SEPTIN7: variants seen among roughly 807,000 people sequenced by gnomAD.
SEPTIN7 encodes the protein septin-7.
Under a neutral mutation model 63.3 loss-of-function variants are expected in SEPTIN7, and 10 were observed. The ratio of observed to expected loss-of-function variants is 0.16; its 90% confidence interval spans 0.10 to 0.27. The LOEUF is 0.27. Ranked by LOEUF, SEPTIN7 falls within the 10% of genes least tolerant of loss-of-function variation. The pLI, the probability that SEPTIN7 is intolerant of heterozygous loss-of-function variation, is 1.00. For missense variants in SEPTIN7, 310 were observed against 521.0 expected, an observed-to-expected ratio of 0.59 and a Z score of 3.94; for synonymous variants, 131 against 165.3, an observed-to-expected ratio of 0.79 and a Z score of 1.59.
chr7:35,849,568 C>T (rs779505555), intron 3 of SEPTIN7, among the ~76,000 whole-genome samples: 34 of 152,298 alleles, frequency 2.2e-4, no homozygotes, highest in East Asian at 5.8e-4. Flanking sequence ...CTAGATTGTT[C>T]TTCACAGATT....
chr7:35,865,753 T>A (rs1785777413), intron 4 of SEPTIN7, among the ~76,000 whole-genome samples: 1 of 152,200 alleles, frequency 6.6e-6, no homozygotes, highest in South Asian at 2.1e-4. Flanking sequence ...TATTCCTGAT[T>A]TATAGGAGTT....
intron 1 of SEPTIN7, among the ~76,000 whole-genome samples, chr7:35,826,818 G>A (rs1055078947): frequency 2.0e-5 from 3 of 152,038 alleles, no homozygotes; most frequent in African/African-American, 7.2e-5. Flanking sequence ...TTGAAAATTA[G>A]TATTCAGAGT....
intron 4 of SEPTIN7, among the ~76,000 whole-genome samples, chr7:35,870,864 A>G (rs1457135765): frequency 2.0e-5 from 3 of 150,748 alleles, no homozygotes; most frequent in Admixed American, 6.6e-5. Flanking sequence ...TTTGGTTCTC[A>G]TGATCTCACA....
intron 1 of SEPTIN7, among the ~76,000 whole-genome samples, chr7:35,821,918 A>G (rs1789433303): frequency 6.6e-6 from 1 of 151,980 alleles, no homozygotes; most frequent in Admixed American, 6.6e-5. Flanking sequence ...AGCTGCGATT[A>G]CAGGTGCATG....
At chr7:35,814,842 G>A (rs1387444638) in intron 1 of SEPTIN7, among the ~76,000 whole-genome samples, 1 of 152,048 alleles carries the variant, frequency 6.6e-6, no homozygotes, top group African/African-American at 2.4e-5. Context: ...GGGCATGGTA[G>A]CAGGCGCCTG....
At chr7:35,871,676 C>T (rs1202722910) in intron 4 of SEPTIN7, among the ~76,000 whole-genome samples, 5 of 152,194 alleles carry the variant, frequency 3.3e-5, no homozygotes, top group Non-Finnish European at 7.3e-5. Context: ...AGGAAGTAGG[C>T]TATCTCTAAA....
chr7:35,810,504 T>C (rs1359284521), intron 1 of SEPTIN7, among the ~76,000 whole-genome samples: 2 of 151,894 alleles, frequency 1.3e-5, no homozygotes, highest in Non-Finnish European at 2.9e-5. Context: ...TTTGTGTTTT[T>C]AGTAGAGCCT....
At chr7:35,823,654 A>G (rs570560948) in intron 1 of SEPTIN7, among the ~76,000 whole-genome samples, 30 of 152,330 alleles carry the variant, frequency 2.0e-4, no homozygotes, top group African/African-American at 6.5e-4. Context: ...TGACTCCTAC[A>G]GCCAATTTTA....
In SEPTIN7 at chr7:35,863,605, T is replaced by G; in HGVS notation, c.223T>G (p.Leu75Val). 1 of 1,590,948 alleles carries G rather than the reference T, an allele frequency of 6.3e-7. No homozygotes were observed. Among genetic ancestry groups the G allele is most frequent in the Non-Finnish European group, 8.5e-7 (1 of 1,175,386 alleles). Residue 75 changes from leucine to valine, a missense_variant, in exon 4 of 14, where the codon TTG becomes GTG. Leu to Val is a conservative substitution (Grantham distance 32). Coordinates refer to ENST00000350320, the MANE Select transcript of SEPTIN7 (RefSeq NM_001788.6). Reference protein sequence around the residue: ...TLINSLFLTDLYSPEYPGPSH... With the variant: ...TLINSLFLTDVYSPEYPGPSH... ...AATCAACTCATTATTCCTCACAGAT[T>G]TGTATTCTCCAGAGTATCCAGGTCC... is the stretch of plus-strand genomic sequence containing the variant.
chr7:35,878,946 G>C (rs1366957156), intron 6 of SEPTIN7, among the ~76,000 whole-genome samples: 4 of 152,166 alleles, frequency 2.6e-5, no homozygotes, highest in South Asian at 4.1e-4. Flanking sequence ...ATCTATTGTA[G>C]TCATAATAAT....
At chr7:35,831,459 C>T in intron 1 of SEPTIN7, 33 bp from the exon 2 acceptor site, 1 of 469,688 alleles carries the variant, frequency 2.1e-6, no homozygotes, top group Non-Finnish European at 4.2e-6. Flanking sequence ...GAATCTGGAA[C>T]ACTGGAATGA....
Position 35,905,280 on chromosome 7 carries a change from T to A in SEPTIN7, c.*987T>A, listed in dbSNP as rs1452062307. Reference sequence around the variant, plus strand: ...ATTTTTTGTTTGTATTGTAAAAAATTCACATAATAAACGATGTTGTGATGT... The same window carrying A: ...ATTTTTTGTTTGTATTGTAAAAAATACACATAATAAACGATGTTGTGATGT... On this transcript the variant is annotated 3_prime_UTR_variant, in exon 14 of 14. Coordinates refer to ENST00000350320, the MANE Select transcript of SEPTIN7 (RefSeq NM_001788.6). 6.6e-6 allele frequency: 1 copy of A among 152,654 alleles called. No individual in the cohort carries two copies. The highest frequency in any genetic ancestry group is 1.5e-5 in the Non-Finnish European group (1 of 68,042). 9.5% of individuals were successfully genotyped at this position (152,654 alleles called of 1,614,324 possible). A position where few individuals can be genotyped will look rare whatever the true frequency, so the allele number is the denominator to read the frequency against.
intron 4 of SEPTIN7, among the ~76,000 whole-genome samples, chr7:35,866,011 G>A (rs561014242): frequency 6.6e-6 from 1 of 152,306 alleles, no homozygotes; most frequent in Admixed American, 6.5e-5. Flanking sequence ...ATGGAGGTAA[G>A]AATATCTCTA....
At chr7:35,871,150 A>G (rs1303121852) in intron 4 of SEPTIN7, among the ~76,000 whole-genome samples, 2 of 152,214 alleles carry the variant, frequency 1.3e-5, no homozygotes, top group Non-Finnish European at 2.9e-5. Context: ...TGGATCTGCA[A>G]AATTTTCACT....
chr7:35,839,772 C>T (rs888617530), intron 3 of SEPTIN7, among the ~76,000 whole-genome samples: 5 of 152,122 alleles, frequency 3.3e-5, no homozygotes, highest in African/African-American at 1.2e-4. Context: ...CCAGGCTGGT[C>T]TTGAACTCCT....
At chr7:35,848,254 T>C (rs1320272654) in intron 3 of SEPTIN7, among the ~76,000 whole-genome samples, 1 of 152,186 alleles carries the variant, frequency 6.6e-6, no homozygotes, top group Non-Finnish European at 1.5e-5. Context: ...GAAAGACTAA[T>C]AGTATTCACA....
chr7:35,904,181 C>A, intron 13 of SEPTIN7, 73 bp from the exon 14 acceptor site: 1 of 1,104,096 alleles, frequency 9.1e-7, no homozygotes, highest in Non-Finnish European at 1.3e-6. Flanking sequence ...ATTGGGTTAG[C>A]TGTTGTTATC....
chr7:35,841,581 A>G (rs1784409554), intron 3 of SEPTIN7, among the ~76,000 whole-genome samples: 1 of 152,232 alleles, frequency 6.6e-6, no homozygotes. Flanking sequence ...TTCTCTTGGT[A>G]TTGAATACAC....
chr7:35,826,455 A>T (rs1783522488), intron 1 of SEPTIN7, among the ~76,000 whole-genome samples: 1 of 151,210 alleles, frequency 6.6e-6, no homozygotes, highest in African/African-American at 2.4e-5. Context: ...TTTAGAAAAG[A>T]TCAATGGCTA....
Sources: allele counts gnomAD v4.1 joint callset (sites outside exome capture counted in the v4.1 genomes callset), GRCh38; gene constraint gnomAD v4.1.1; transcripts MANE v1.5; gene names NCBI Gene and HGNC (gene_info 2026-07-23, HGNC 2026-07-21).